Variants in NT5DC1 observed in about 807,000 individuals in gnomAD.
NT5DC1 encodes 5'-nucleotidase domain containing 1, also known as 5'-nucleotidase domain-containing protein 1.
NT5DC1 carries 42 observed loss-of-function variants against 59.4 expected under a neutral mutation model. The ratio of observed to expected loss-of-function variants is 0.71; its 90% CI spans 0.55 to 0.92. The LOEUF (loss-of-function observed/expected upper bound fraction) is 0.92, where lower values mean the gene tolerates loss of function less well. Ranked by LOEUF, NT5DC1 falls within the 40% of genes least tolerant of loss-of-function variation. NT5DC1 has a pLI of 0.00. For synonymous variants in NT5DC1, 172 were observed against 188.1 expected (o/e 0.91, Z 0.70); for missense variants, 501 against 537.1 (o/e 0.93, Z 0.66).
rs138108221 is a variant in NT5DC1 at position 116,161,770 on chromosome 6, A to G, written c.529+43825A>G. 1.4e-4 allele frequency among the ~76,000 whole-genome samples: 22 copies of G among 152,260 alleles called. No individual in the cohort carries two copies. The East Asian group carries it at 4.3e-3, about 30-fold the overall frequency. On this transcript the variant is annotated intron_variant, in intron 6 of 11. Transcript: ENST00000319550. ...TTTTTCTAATTCTGTGAAATATAACATTGGTAATTTGATGGGAAGTTGCAT... is the reference window on the plus strand; with the variant it reads ...TTTTTCTAATTCTGTGAAATATAACGTTGGTAATTTGATGGGAAGTTGCAT...
Position 116,119,916 on chromosome 6 carries a change from T to C in NT5DC1, c.529+1971T>C, listed in dbSNP as rs117424376. The C allele has an allele frequency of 1.6e-3, 1,164 of 723,130 alleles. 15 individuals are homozygous for C. In the East Asian group the frequency reaches 0.028, roughly 18 times the overall value. The allele number at this position is 723,130 out of a possible 1,614,324, so 44.8% of individuals were successfully genotyped here. The stretch of plus-strand genomic sequence containing the variant: ...TACGTTTTTACGTTGCTGCTCACTT[T>C]TCAGGGGGAAGGTTTGTTGGTCTGA... On this transcript the variant is annotated intron_variant, in intron 6 of 11. Coordinates refer to ENST00000319550, the MANE Select transcript of NT5DC1 (RefSeq NM_152729.3).
chr6:116,179,298 A>G (rs1780821119), intron 6 of NT5DC1, among the ~76,000 whole-genome samples: 1 of 152,184 alleles, frequency 6.6e-6, no homozygotes, highest in Non-Finnish European at 1.5e-5. Flanking sequence ...TGAAAACTGC[A>G]TAATGGCAGG....
At chr6:116,201,914 A>ATTTATG (rs1562162390) in intron 6 of NT5DC1, among the ~76,000 whole-genome samples, 1 of 152,020 alleles carries the variant, frequency 6.6e-6, no homozygotes. Flanking sequence ...ACACTGGTAG[A>ATTTATG]TTTATGCACC....
intron 6 of NT5DC1, among the ~76,000 whole-genome samples, chr6:116,127,964 C>A (rs115426584): frequency 3.3e-3 from 509 of 152,126 alleles, no homozygotes; most frequent in African/African-American, 0.011. Flanking sequence ...AAAGTTTGGA[C>A]TAGGTGGTTT....
In NT5DC1 at chr6:116,195,196, G is replaced by C. The variant is rs372474361; in HGVS notation, c.530-25858G>C. On this transcript the variant is annotated intron_variant, in intron 6 of 11. Coordinates refer to ENST00000319550, the MANE Select transcript of NT5DC1 (RefSeq NM_152729.3). Reference sequence around the variant, plus strand: ...TAATTTCTATAAAATAAAACATACTGAAGTTATAATATAGGCATATGATAG... The same window carrying C: ...TAATTTCTATAAAATAAAACATACTCAAGTTATAATATAGGCATATGATAG... Among the ~76,000 whole-genome samples, 4 of 152,096 alleles carry C rather than the reference G, an allele frequency of 2.6e-5. No homozygotes were observed. In the South Asian group the frequency reaches 8.3e-4, roughly 32 times the overall value.
Position 116,186,582 on chromosome 6 carries a change from C to T in NT5DC1, c.530-34472C>T, listed in dbSNP as rs576984032. 7.4e-4 allele frequency among the ~76,000 whole-genome samples: 113 copies of T among 151,890 alleles called. 1 individual carries two copies. The highest frequency in any genetic ancestry group is 1.1e-3 in the Non-Finnish European group (78 of 67,926). On this transcript the variant is annotated intron_variant, in intron 6 of 11. Coordinates refer to ENST00000319550, the MANE Select transcript of NT5DC1 (RefSeq NM_152729.3). ...AGGCTTTGTTCATTTTTATTTAATT[C>T]TTTTTTCTTTGTCTTTGTTGGATTG...
chr6:116,101,057 CAACCT>C, intron 1 of NT5DC1, 34 bp downstream of exon 1: 1 of 1,467,638 alleles, frequency 6.8e-7, no homozygotes. Flanking sequence ...GCACTGCGCG[CAACCT>C]CCATGGCGGC....
At chr6:116,154,115 A>G (rs1302958249) in intron 6 of NT5DC1, among the ~76,000 whole-genome samples, 2 of 151,762 alleles carry the variant, frequency 1.3e-5, no homozygotes, top group East Asian at 3.9e-4. Context: ...TGGCTCTCAA[A>G]TCAGCATTGA....
At chr6:116,163,141 A>AAAAAAAAAATAT (rs761718922) in intron 6 of NT5DC1, among the ~76,000 whole-genome samples, 58 of 88,368 alleles carry the variant, frequency 6.6e-4, no homozygotes, top group African/African-American at 2.4e-3. Context: ...AAAAAAAAAA[A>AAAAAAAAAATAT]ATATATATAT....
chr6:116,232,266 C>T (rs1782032145), intron 8 of NT5DC1, among the ~76,000 whole-genome samples: 1 of 152,040 alleles, frequency 6.6e-6, no homozygotes, highest in South Asian at 2.1e-4. Flanking sequence ...ATTATTTTAA[C>T]TTATGATTTG....
At chr6:116,116,976 A>G (rs1778976435) in intron 5 of NT5DC1, among the ~76,000 whole-genome samples, 1 of 152,162 alleles carries the variant, frequency 6.6e-6, no homozygotes, top group Non-Finnish European at 1.5e-5. Context: ...TTGCTTTCTG[A>G]TTTAAAAAAA....
rs554115536 is a variant in NT5DC1 at position 116,101,219 on chromosome 6, G to A, written c.93+196G>A. ...GCTCCGCGCCGGTGCCGTGGGGACC[G>A]GCACATTTACCTCAGCCATTAGCTA... On this transcript the variant is annotated intron_variant, in intron 1 of 11. Coordinates refer to ENST00000319550, the MANE Select transcript of NT5DC1 (RefSeq NM_152729.3). 2.0e-5 allele frequency among the ~76,000 whole-genome samples: 3 copies of A among 152,308 alleles called. No homozygotes were observed. In the South Asian group the frequency reaches 6.2e-4, roughly 32 times the overall value.
chr6:116,152,934 C>A (rs546729033), intron 6 of NT5DC1, among the ~76,000 whole-genome samples: 1 of 152,084 alleles, frequency 6.6e-6, no homozygotes, highest in Admixed American at 6.6e-5. Flanking sequence ...ACCTATAATC[C>A]TCCTCCATAC....
chr6:116,106,106 T>C, intron 1 of NT5DC1, 138 bp from the exon 2 acceptor site: 1 of 684,956 alleles, frequency 1.5e-6, no homozygotes. Context: ...AGAATTATAC[T>C]GCAGAACTTC....
intron 6 of NT5DC1, among the ~76,000 whole-genome samples, chr6:116,128,082 A>G (rs150922286): frequency 5.9e-5 from 9 of 152,214 alleles, no homozygotes; most frequent in Non-Finnish European, 1.3e-4. Context: ...TATTAGAGAC[A>G]CAAAAAAATC....
chr6:116,164,742 A>T (rs1780423364), intron 6 of NT5DC1, among the ~76,000 whole-genome samples: 2 of 152,100 alleles, frequency 1.3e-5, no homozygotes, highest in South Asian at 4.1e-4. Flanking sequence ...TTTTTGGTGT[A>T]CTGGTCTAGT....
intron 6 of NT5DC1, among the ~76,000 whole-genome samples, chr6:116,213,584 T>C (rs1280574635): frequency 2.0e-5 from 3 of 152,120 alleles, no homozygotes; most frequent in Non-Finnish European, 4.4e-5. Context: ...GTGGGAGATA[T>C]TGTTGTGTCC....
At chr6:116,209,351 C>A (rs1781526690) in intron 6 of NT5DC1, among the ~76,000 whole-genome samples, 1 of 151,960 alleles carries the variant, frequency 6.6e-6, no homozygotes, top group South Asian at 2.1e-4. Context: ...GTAAGTCTTG[C>A]CTGGTAGCTT....
intron 6 of NT5DC1, among the ~76,000 whole-genome samples, chr6:116,212,928 T>C (rs1286786216): frequency 6.6e-6 from 1 of 152,178 alleles, no homozygotes; most frequent in Non-Finnish European, 1.5e-5. Flanking sequence ...TGTAAATTTA[T>C]ATGCAGTAGA....
Sources: allele counts gnomAD v4.1 joint callset (sites outside exome capture counted in the v4.1 genomes callset), GRCh38; gene constraint gnomAD v4.1.1; transcripts MANE v1.5; gene names NCBI Gene and HGNC (gene_info 2026-07-23, HGNC 2026-07-21).